The following LRRC7 variants were observed in gnomAD, a reference collection of about 807,000 sequenced individuals.
The protein encoded by LRRC7 is leucine-rich repeat-containing protein 7.
In LRRC7, 23 loss-of-function variants were observed where a neutral mutation model predicts 175.7. The ratio of observed to expected loss-of-function variants is 0.13; its 90% CI spans 0.09 to 0.19. The LOEUF is 0.19. Ranked by LOEUF, LRRC7 falls within the 10% of genes least tolerant of loss-of-function variation. LRRC7 has a pLI of 1.00. For missense variants in LRRC7, 1,354 were observed against 1,904.7 expected (o/e 0.71, Z 5.38); for synonymous variants, 685 against 680.9 (o/e 1.01, Z -0.09).
chr1:69,627,667 G>A (rs1351469000), intron 1 of LRRC7, among the ~76,000 whole-genome samples: 1 of 151,952 alleles, frequency 6.6e-6, no homozygotes. Flanking sequence ...TGTCCTGAAT[G>A]GTATTGCCTA....
intron 1 of LRRC7, among the ~76,000 whole-genome samples, chr1:69,585,949 G>A (rs1235082724): frequency 6.6e-6 from 1 of 152,088 alleles, no homozygotes; most frequent in African/African-American, 2.4e-5. Flanking sequence ...GACGAAATCA[G>A]CTACTAAAAA....
intron 1 of LRRC7, among the ~76,000 whole-genome samples, chr1:69,603,390 A>C (rs990743251): frequency 1.4e-4 from 21 of 152,206 alleles, no homozygotes; most frequent in African/African-American, 5.1e-4. Context: ...TGGTTGTGAT[A>C]AACAGAACTG....
At chr1:69,886,846 G>A (rs1273251310) in intron 7 of LRRC7, among the ~76,000 whole-genome samples, 4 of 150,308 alleles carry the variant, frequency 2.7e-5, no homozygotes, top group Non-Finnish European at 6.0e-5. Context: ...TTGCTTGTCT[G>A]TAAAGTATTT....
intron 4 of LRRC7, among the ~76,000 whole-genome samples, chr1:69,799,741 CA>C (rs1676241782): frequency 6.6e-6 from 1 of 152,012 alleles, no homozygotes; most frequent in African/African-American, 2.4e-5. Context: ...TTAATTGTCT[CA>C]ATGTCTCTTT....
intron 2 of LRRC7, among the ~76,000 whole-genome samples, chr1:69,694,346 C>T (rs1662282145): frequency 6.6e-6 from 1 of 152,156 alleles, no homozygotes; most frequent in Non-Finnish European, 1.5e-5. Context: ...ATAGTGTCAT[C>T]ATTCTTCATG....
chr1:69,904,497 A>G (rs1336676791), intron 7 of LRRC7, among the ~76,000 whole-genome samples: 1 of 152,166 alleles, frequency 6.6e-6, no homozygotes, highest in Non-Finnish European at 1.5e-5. Flanking sequence ...TTGGAAAGTT[A>G]AATGTGGGGA....
rs550485768 is a variant in LRRC7 at position 69,838,162 on chromosome 1, G to T, written c.591-65G>T. The stretch of plus-strand genomic sequence containing the variant: ...AACCCTATAGTGCTACCAAATACTA[G>T]ATCTTATTCAATAATTTTTTAGACA... On this transcript the variant is annotated intron_variant, in intron 6 of 26. Transcript: ENST00000651989. 3.6e-6 allele frequency: 4 copies of T among 1,102,040 alleles called. No homozygotes were observed. The East Asian group carries it at 9.7e-5, about 27-fold the overall frequency. 68.3% of individuals were successfully genotyped at this position (1,102,040 alleles called of 1,614,324 possible).
At chr1:69,603,497 A>G (rs1647164989) in intron 1 of LRRC7, among the ~76,000 whole-genome samples, 3 of 152,206 alleles carry the variant, frequency 2.0e-5, no homozygotes, top group Non-Finnish European at 4.4e-5. Flanking sequence ...TTTGTTACAT[A>G]AAGTGATAAT....
At position 70,039,500 on chromosome 1, in the gene LRRC7, A is replaced by T. The variant is rs1468549165; in HGVS notation, c.3676A>T (p.Ser1226Cys). The stretch of plus-strand genomic sequence containing the variant: ...TCAAGAAGTGAAAGCTCAGGCGGGA[A>T]GTTTTCCGGTTAAAAACCTTACCCA... The part of the protein sequence containing the change: ...SYQEVKAQAG[S>C]FPVKNLTQRR... The change falls in exon 21 of 27, where the codon AGT becomes TGT. Residue 1226 changes from serine to cysteine, a missense_variant. Ser to Cys is a moderately radical substitution (Grantham distance 112). Transcript: ENST00000651989. The T allele has an allele frequency of 3.7e-6, 6 of 1,614,174 alleles. No individual in the cohort carries two copies.
rs551606386 is a variant in LRRC7, at chr1:70,087,449, G to T, written c.4453-2278G>T. Among the ~76,000 whole-genome samples the T allele has an allele frequency of 1.7e-4, 26 of 152,114 alleles. No homozygotes were observed. The South Asian group carries it at 5.4e-3, about 32-fold the overall frequency. On this transcript the variant is annotated intron_variant, in intron 24 of 26. Transcript: ENST00000651989. Reference sequence around the variant, plus strand: ...CATAGAAACATTGAAAAACACAAAAGAAAAATGTTTTCATCATATTGGTTG... The same window carrying T: ...CATAGAAACATTGAAAAACACAAAATAAAAATGTTTTCATCATATTGGTTG...
Position 69,929,426 on chromosome 1 carries a change from A to G in LRRC7, c.648-2081A>G, listed in dbSNP as rs987998982. Among the ~76,000 whole-genome samples, 13 of 152,116 alleles carry G rather than the reference A, an allele frequency of 8.5e-5. 1 individual carries two copies. The highest frequency in any genetic ancestry group is 3.1e-4 in the African/African-American group (13 of 41,410). On this transcript the variant is annotated intron_variant, in intron 7 of 26. Transcript: ENST00000651989. ...TTCCTCATCAGTCACTTGCAACTCC[A>G]TCCTTCTAGTTGTTCAGACCAAAAC...
At position 70,049,133 on chromosome 1, in the gene LRRC7, T is replaced by C. The variant is rs149608895; in HGVS notation, c.4111-3893T>C. Among the ~76,000 whole-genome samples, 50 of 152,228 alleles carry C rather than the reference T, an allele frequency of 3.3e-4. 1 individual carries two copies. In the East Asian group the frequency reaches 9.6e-3, roughly 29 times the overall value. On this transcript the variant is annotated intron_variant, in intron 22 of 26. Coordinates refer to ENST00000651989, the MANE Select transcript of LRRC7 (RefSeq NM_001370785.2). The stretch of plus-strand genomic sequence containing the variant: ...AATTTCAGGTGAGGGAAGGCTAAAA[T>C]AGTAGAAATATATGTAATAAATTAT...
intron 3 of LRRC7, among the ~76,000 whole-genome samples, chr1:69,771,663 A>T (rs1250030502): frequency 6.6e-6 from 1 of 152,186 alleles, no homozygotes; most frequent in Admixed American, 6.5e-5. Context: ...GCATTTCTTG[A>T]TTACCAATTA....
At position 69,634,882 on chromosome 1, in the gene LRRC7, C is replaced by T. The variant is rs116741039; in HGVS notation, c.3-43499C>T. ...ACACATAAAAGAAAATTTGACTGAG[C>T]GGAAAATTGAGAAGTGAGAAGCAGA... is the stretch of plus-strand genomic sequence containing the variant. On this transcript the variant is annotated intron_variant, in intron 1 of 26. Transcript: ENST00000651989. 2.1e-3 allele frequency among the ~76,000 whole-genome samples: 315 copies of T among 152,036 alleles called. 1 individual carries two copies. Among genetic ancestry groups the T allele is most frequent in the African/African-American group, 7.2e-3 (297 of 41,480 alleles).
intron 25 of LRRC7, among the ~76,000 whole-genome samples, chr1:70,107,090 A>T (rs1665197787): frequency 6.6e-6 from 1 of 152,234 alleles, no homozygotes. Context: ...CATTCAATAT[A>T]TGTTTTCTTT....
At chr1:69,693,040 A>G (rs1030082146) in intron 2 of LRRC7, among the ~76,000 whole-genome samples, 1 of 152,054 alleles carries the variant, frequency 6.6e-6, no homozygotes, top group South Asian at 2.1e-4. Context: ...GCAGACACGG[A>G]CAGGAGTCTA....
intron 1 of LRRC7, among the ~76,000 whole-genome samples, chr1:69,640,363 G>C (rs1654017763): frequency 6.6e-6 from 1 of 151,632 alleles, no homozygotes; most frequent in Non-Finnish European, 1.5e-5. Context: ...GTTATAAACA[G>C]TGTAAACTTT....
chr1:69,938,166 T>G (rs2101790208), intron 8 of LRRC7, among the ~76,000 whole-genome samples: 1 of 152,162 alleles, frequency 6.6e-6, no homozygotes, highest in South Asian at 2.1e-4. Context: ...TGGATTGAAT[T>G]TAAAAGTTCA....
chr1:69,926,027 C>T (rs1647061341), intron 7 of LRRC7, among the ~76,000 whole-genome samples: 1 of 151,896 alleles, frequency 6.6e-6, no homozygotes, highest in Non-Finnish European at 1.5e-5. Flanking sequence ...TTTCAAAGAA[C>T]ATCTTTATTT....
Sources: allele counts gnomAD v4.1 joint callset (sites outside exome capture counted in the v4.1 genomes callset), GRCh38; gene constraint gnomAD v4.1.1; transcripts MANE v1.5; gene names NCBI Gene and HGNC (gene_info 2026-07-23, HGNC 2026-07-21).